The following CAST variants were observed in gnomAD, a reference collection of about 807,000 sequenced individuals.
CAST encodes the protein calpastatin.
CAST carries 76 observed loss-of-function variants against 119.6 expected under a neutral mutation model. The ratio of observed to expected loss-of-function variants is 0.64; its 90% CI spans 0.53 to 0.77. The LOEUF is 0.77. Among genes scored for constraint, CAST ranks in the 30% least tolerant of loss-of-function variants. The pLI is 0.00. For missense variants in CAST, 953 were observed against 946.5 expected (o/e 1.01, Z -0.09); for synonymous variants, 319 against 331.6 (o/e 0.96, Z 0.41).
chr5:96,224,183 G>T, the CAST span, among the ~76,000 whole-genome samples: 4 of 152,166 alleles, frequency 2.6e-5, no homozygotes, highest in Non-Finnish European at 1.5e-5. Context: ...AATTCAAACT[G>T]ACAAATCTTG....
At chr5:96,237,748 TAAAA>T in the CAST span, among the ~76,000 whole-genome samples, 1 of 152,108 alleles carries the variant, frequency 6.6e-6, no homozygotes, top group Non-Finnish European at 1.5e-5. Flanking sequence ...TTTTAACAAT[TAAAA>T]AAATCTACTC....
chr5:96,048,674 T>C, the CAST span, among the ~76,000 whole-genome samples: 2 of 152,140 alleles, frequency 1.3e-5, no homozygotes, highest in Non-Finnish European at 2.9e-5. Flanking sequence ...ATTTTTTTTT[T>C]CTTAGACAGA....
chr5:96,533,753 A>AT (rs949422773), intron 1 of CAST, among the ~76,000 whole-genome samples: 3 of 152,172 alleles, frequency 2.0e-5, no homozygotes, highest in Admixed American at 2.0e-4. Flanking sequence ...TCTTGAATAT[A>AT]TTTTTTTAAT....
intron 1 of CAST, among the ~76,000 whole-genome samples, chr5:96,619,451 A>C (rs1349283442): frequency 6.6e-6 from 1 of 152,244 alleles, no homozygotes; most frequent in Non-Finnish European, 1.5e-5. Context: ...ACCAATCAGC[A>C]GGATGTGGGT....
chr5:96,419,165 G>A, the CAST span, among the ~76,000 whole-genome samples: 3 of 151,760 alleles, frequency 2.0e-5, no homozygotes, highest in Admixed American at 2.0e-4. Flanking sequence ...CAGAATAAGG[G>A]TAGTATTTAA....
intron 1 of CAST, among the ~76,000 whole-genome samples, chr5:96,640,458 T>C (rs1029746937): frequency 1.3e-5 from 2 of 152,238 alleles, no homozygotes; most frequent in Non-Finnish European, 2.9e-5. Context: ...TATGCTTTAC[T>C]CTTCTCCAGA....
At chr5:96,325,892 G>C in the CAST span, among the ~76,000 whole-genome samples, 5 of 152,084 alleles carry the variant, frequency 3.3e-5, no homozygotes, top group Non-Finnish European at 7.4e-5. Context: ...GTTTTGGCTG[G>C]GTATACAAAG....
chr5:96,451,142 G>A, the CAST span, among the ~76,000 whole-genome samples: 1 of 152,028 alleles, frequency 6.6e-6, no homozygotes, highest in African/African-American at 2.4e-5. Flanking sequence ...TTGCTTATAC[G>A]AATTCTACGT....
chr5:96,653,942 C>T (rs546033036), intron 1 of CAST, among the ~76,000 whole-genome samples: 37 of 151,992 alleles, frequency 2.4e-4, no homozygotes, highest in African/African-American at 8.4e-4. Context: ...GCTTAACTAT[C>T]CTTTTTTCCT....
the CAST span, among the ~76,000 whole-genome samples, chr5:96,060,092 G>A: frequency 6.6e-6 from 1 of 152,080 alleles, no homozygotes; most frequent in African/African-American, 2.4e-5. Flanking sequence ...CACAGCCTCA[G>A]GCACATAGTA....
chr5:96,160,853 C>T, the CAST span, among the ~76,000 whole-genome samples: 1 of 152,098 alleles, frequency 6.6e-6, no homozygotes, highest in African/African-American at 2.4e-5. Context: ...GGTATTTCCC[C>T]CAATGATTAA....
intron 1 of CAST, among the ~76,000 whole-genome samples, chr5:96,579,531 A>C (rs952796171): frequency 6.6e-6 from 1 of 152,136 alleles, no homozygotes; most frequent in Non-Finnish European, 1.5e-5. Context: ...AAATGAGCCA[A>C]CTTGGGCTAT....
the CAST span, among the ~76,000 whole-genome samples, chr5:96,505,270 T>C: frequency 8.5e-5 from 13 of 152,304 alleles, no homozygotes; most frequent in Admixed American, 6.5e-4. Context: ...AATAAAAATT[T>C]TGAGCATAAT....
rs1456476900 is a variant in CAST, at chr5:96,544,978, G to C, written c.60+15098G>C. 2.0e-5 allele frequency among the ~76,000 whole-genome samples: 3 copies of C among 152,190 alleles called. No homozygotes were observed. The East Asian group carries it at 5.8e-4, about 29-fold the overall frequency. Reference sequence around the variant, plus strand: ...ATTGCTATATTAATTTAAAAGAAAGGAGACTTCAGAACAATTAAGATTATT... The same window carrying C: ...ATTGCTATATTAATTTAAAAGAAAGCAGACTTCAGAACAATTAAGATTATT... On this transcript the variant is annotated intron_variant, in intron 1 of 11. Transcript: ENST00000505143.
chr5:96,333,302 G>A, the CAST span, among the ~76,000 whole-genome samples: 1 of 151,838 alleles, frequency 6.6e-6, no homozygotes, highest in Non-Finnish European at 1.5e-5. Context: ...GCTGTTTTCT[G>A]CACGGTCAGA....
intron 1 of CAST, among the ~76,000 whole-genome samples, chr5:96,614,685 C>T (rs910418819): frequency 6.6e-6 from 1 of 152,128 alleles, no homozygotes; most frequent in African/African-American, 2.4e-5. Context: ...CCATCCAAAG[C>T]CTAGGCCCAG....
the CAST span, among the ~76,000 whole-genome samples, chr5:96,003,681 A>T: frequency 6.6e-6 from 1 of 152,234 alleles, no homozygotes; most frequent in Non-Finnish European, 1.5e-5. Flanking sequence ...TTAATAACTT[A>T]GATGTGTTGA....
intron 19 of CAST, among the ~76,000 whole-genome samples, chr5:96,749,600 G>A (rs996990216): frequency 2.6e-5 from 4 of 152,206 alleles, no homozygotes; most frequent in African/African-American, 9.6e-5. Flanking sequence ...AGCTGGGAGT[G>A]TAGTGGCACA....
intron 1 of CAST, among the ~76,000 whole-genome samples, chr5:96,598,947 C>G (rs1038713038): frequency 6.6e-6 from 1 of 152,200 alleles, no homozygotes; most frequent in East Asian, 1.9e-4. Flanking sequence ...TTGACCCTGC[C>G]AGCTTTCAGC....
Sources: gnomAD v4.1 joint callset for allele counts (sites outside exome capture counted in the v4.1 genomes callset) on GRCh38, gnomAD v4.1.1 for gene constraint, MANE v1.5 for transcripts, NCBI Gene and HGNC (gene_info 2026-07-23, HGNC 2026-07-21) for gene names.